Variants in SLC22A4 observed in about 807,000 individuals in gnomAD.
The protein encoded by SLC22A4 is solute carrier family 22 member 4, also known as ET transporter.
In SLC22A4, 39 loss-of-function variants were observed where a neutral mutation model predicts 56.6. The ratio of observed to expected loss-of-function variants is 0.69; its 90% CI spans 0.53 to 0.90. The LOEUF is 0.90. SLC22A4 is among the 40% of genes least tolerant of loss of function. The pLI, the probability that SLC22A4 is intolerant of heterozygous loss-of-function variation, is 0.00. For missense variants in SLC22A4, 594 were observed against 696.5 expected, an observed-to-expected ratio of 0.85 and a Z score of 1.66; for synonymous variants, 241 against 281.4, an observed-to-expected ratio of 0.86 and a Z score of 1.44.
At chr5:132,313,849 G>A in intron 3 of SLC22A4, 81 bp downstream of exon 3, 1 of 1,423,946 alleles carries the variant, frequency 7.0e-7, no homozygotes, top group Non-Finnish European at 9.9e-7. Context: ...TGGGCCATTG[G>A]GCTGTGCTTC....
chr5:132,328,459 A>G lies in SLC22A4; in HGVS notation c.951+1056A>G, dbSNP rs372287029. On this transcript the variant is annotated intron_variant, in intron 5 of 9. Transcript: ENST00000200652. The stretch of plus-strand genomic sequence containing the variant: ...AAGCAGATACTCTGGCTATGGCTAG[A>G]GGCTTAGACTGGCCATGAACTCAAG... Among the ~76,000 whole-genome samples the G allele has an allele frequency of 3.3e-5, 5 of 152,260 alleles. No individual in the cohort carries two copies. In the South Asian group the frequency reaches 8.3e-4, roughly 25 times the overall value.
chr5:132,316,624 T>C (rs1750366378), intron 3 of SLC22A4, among the ~76,000 whole-genome samples: 1 of 152,228 alleles, frequency 6.6e-6, no homozygotes, highest in Non-Finnish European at 1.5e-5. Context: ...TCAACCTCCA[T>C]GTGACATTTC....
At chr5:132,340,063 G>GTTTT (rs4646203) in intron 8 of SLC22A4, among the ~76,000 whole-genome samples, 7 of 94,872 alleles carry the variant, frequency 7.4e-5, no homozygotes, top group African/African-American at 1.6e-4. Context: ...ATACTTAGTT[G>GTTTT]TTTTTTTTTT....
chr5:132,314,296 G>A (rs1416458462), intron 3 of SLC22A4, among the ~76,000 whole-genome samples: 3 of 152,170 alleles, frequency 2.0e-5, no homozygotes, highest in African/African-American at 7.2e-5. Flanking sequence ...GCTAAGCACA[G>A]GACAAGCCTC....
chr5:132,300,094 G>A (rs1489380416), intron 1 of SLC22A4, among the ~76,000 whole-genome samples: 3 of 152,100 alleles, frequency 2.0e-5, no homozygotes, highest in South Asian at 4.1e-4. Flanking sequence ...ATTTTTATGA[G>A]TATTTTGATG....
chr5:132,323,981 C>T (rs1750611422), intron 4 of SLC22A4, among the ~76,000 whole-genome samples: 1 of 152,028 alleles, frequency 6.6e-6, no homozygotes, highest in Non-Finnish European at 1.5e-5. Context: ...TCACTTTAGC[C>T]CAGCAGTTCA....
intron 8 of SLC22A4, among the ~76,000 whole-genome samples, chr5:132,340,181 T>C (rs1751169754): frequency 7.0e-6 from 1 of 143,452 alleles, no homozygotes; most frequent in Non-Finnish European, 1.5e-5. Context: ...AGCCAAAACC[T>C]ATCCCTGAAA....
At chr5:132,295,764 CCTTT>C (rs1267201241) in intron 1 of SLC22A4, 1 of 167,434 alleles carries the variant, frequency 6.0e-6, no homozygotes, top group African/African-American at 2.4e-5. Context: ...TCAGGATACA[CCTTT>C]CTTCTGAGGA....
chr5:132,299,423 TATTTTA>T lies in SLC22A4; in HGVS notation c.393+4415_393+4420del, dbSNP rs1306999926. Among the ~76,000 whole-genome samples the T allele has an allele frequency of 8.3e-4, 125 of 151,172 alleles. 2 individuals carry two copies. The East Asian group carries it at 0.019, about 23-fold the overall frequency. On this transcript the variant is annotated intron_variant, in intron 1 of 9. Transcript: ENST00000200652. ...TATTTTATTTTATTTTATTTTATTT[TATTTTA>T]TTTTTTTGAGATGGAGTTTCTTTCT...
chr5:132,339,465 GGTACACAC>G (rs1751133609), intron 8 of SLC22A4, among the ~76,000 whole-genome samples: 1 of 77,824 alleles, frequency 1.3e-5, no homozygotes, highest in Admixed American at 1.5e-4. Context: ...GTTACCTACT[GGTACACAC>G]GTACACACAC....
At chr5:132,310,362 A>C (rs1350060813) in intron 1 of SLC22A4, among the ~76,000 whole-genome samples, 1 of 152,182 alleles carries the variant, frequency 6.6e-6, no homozygotes, top group Non-Finnish European at 1.5e-5. Context: ...TTTTATCTGA[A>C]GCTTTGGACA....
intron 6 of SLC22A4, among the ~76,000 whole-genome samples, chr5:132,334,220 G>A (rs1243038324): frequency 6.6e-6 from 1 of 152,198 alleles, no homozygotes; most frequent in Non-Finnish European, 1.5e-5. Flanking sequence ...AAGAGAATCA[G>A]AATTTATTCT....
intron 1 of SLC22A4, among the ~76,000 whole-genome samples, chr5:132,300,766 G>A (rs941559638): frequency 1.3e-5 from 2 of 152,212 alleles, no homozygotes; most frequent in African/African-American, 2.4e-5. Context: ...CCTGCGGGAG[G>A]AGTGCCAGTC....
intron 2 of SLC22A4, among the ~76,000 whole-genome samples, chr5:132,312,584 C>T (rs1750213765): frequency 6.6e-6 from 1 of 152,196 alleles, no homozygotes; most frequent in African/African-American, 2.4e-5. Flanking sequence ...GCCATCACCA[C>T]TGCCCTCCCT....
At chr5:132,312,083 A>C (rs1750196421) in intron 1 of SLC22A4, 78 bp from the exon 2 acceptor site, 1 of 872,242 alleles carries the variant, frequency 1.1e-6, no homozygotes, top group Non-Finnish European at 2.0e-6. Context: ...CAGCCGTGCT[A>C]ATATTCCCTC....
intron 8 of SLC22A4, among the ~76,000 whole-genome samples, chr5:132,336,719 G>A (rs919432914): frequency 1.3e-5 from 2 of 152,030 alleles, no homozygotes; most frequent in African/African-American, 4.8e-5. Flanking sequence ...GTATATGTAA[G>A]TATAATCTAC....
chr5:132,303,937 A>G (rs1358926204), intron 1 of SLC22A4, among the ~76,000 whole-genome samples: 1 of 152,208 alleles, frequency 6.6e-6, no homozygotes, highest in Non-Finnish European at 1.5e-5. Context: ...ACAGGAACGA[A>G]CTTTATTTGA....
intron 6 of SLC22A4, 77 bp from the exon 7 acceptor site, chr5:132,334,641 T>C (rs1750965761): frequency 4.1e-6 from 4 of 973,566 alleles, no homozygotes; most frequent in African/African-American, 3.2e-5. Context: ...CAGCAAGATA[T>C]AGAGAATTTC....
At chr5:132,341,823 CT>C (rs1315473019) in intron 9 of SLC22A4, among the ~76,000 whole-genome samples, 1 of 151,990 alleles carries the variant, frequency 6.6e-6, no homozygotes, top group Non-Finnish European at 1.5e-5. Context: ...TGGCGCACCC[CT>C]GTAATCCCAG....
Sources: allele counts gnomAD v4.1 joint callset (sites outside exome capture counted in the v4.1 genomes callset), GRCh38; gene constraint gnomAD v4.1.1; transcripts MANE v1.5; gene names NCBI Gene and HGNC (gene_info 2026-07-23, HGNC 2026-07-21).